The following SORCS2 variants were observed in gnomAD, a reference collection of about 807,000 sequenced individuals.
The protein encoded by SORCS2 is VPS10 domain-containing receptor SorCS2.
A neutral mutation model predicts 141.6 loss-of-function variants in SORCS2; 100 were observed. That is an observed-to-expected ratio of 0.71 (90% CI 0.60 to 0.83). The LOEUF (loss-of-function observed/expected upper bound fraction) is 0.83. Among genes scored for constraint, SORCS2 ranks in the 40% least tolerant of loss-of-function variants. The pLI, the probability that SORCS2 is intolerant of heterozygous loss-of-function variation, is 0.00. For missense variants in SORCS2, 1,646 were observed against 1,560.2 expected (o/e 1.05, Z -0.93); for synonymous variants, 789 against 676.9 (o/e 1.17, Z -2.57).
intron 1 of SORCS2, among the ~76,000 whole-genome samples, chr4:7,283,135 C>A (rs1029564864): frequency 6.6e-6 from 1 of 152,214 alleles, no homozygotes; most frequent in South Asian, 2.1e-4. Flanking sequence ...CCACCATGTT[C>A]CAGGCACCTT....
intron 1 of SORCS2, among the ~76,000 whole-genome samples, chr4:7,302,402 G>T (rs1419237106): frequency 6.6e-6 from 1 of 152,200 alleles, no homozygotes; most frequent in East Asian, 1.9e-4. Flanking sequence ...ATGGCTGTGG[G>T]CACACTCCTG....
At chr4:7,476,072 C>G (rs1462419049) in intron 2 of SORCS2, among the ~76,000 whole-genome samples, 2 of 152,194 alleles carry the variant, frequency 1.3e-5, no homozygotes, top group African/African-American at 4.8e-5. Flanking sequence ...TATACCCAGG[C>G]GCTTCTCTCT....
intron 3 of SORCS2, among the ~76,000 whole-genome samples, chr4:7,621,603 G>T (rs1264567046): frequency 6.6e-6 from 1 of 152,142 alleles, no homozygotes; most frequent in Non-Finnish European, 1.5e-5. Context: ...GTGTCTATGT[G>T]TGTGTATTTT....
chr4:7,703,196 A>G, intron 12 of SORCS2, 84 bp from the exon 13 acceptor site: 1 of 1,096,606 alleles, frequency 9.1e-7, no homozygotes, highest in Non-Finnish European at 1.3e-6. Context: ...CACATTGACA[A>G]CCCTCCTCCC....
At chr4:7,604,550 CGG>C (rs1424808733) in intron 3 of SORCS2, among the ~76,000 whole-genome samples, 1 of 152,208 alleles carries the variant, frequency 6.6e-6, no homozygotes, top group African/African-American at 2.4e-5. Context: ...ATCCCCGCCT[CGG>C]CCTCCCAAAG....
rs984731066 is a variant in SORCS2, at chr4:7,265,522, G to T, written c.480+72396G>T. ...TAAATAAAAGCAAGGTGTGGGCAGG[G>T]CTCGTTCCCCATGAAGGCTGCAGGG... On this transcript the variant is annotated intron_variant, in intron 1 of 26. Coordinates refer to ENST00000507866, the MANE Select transcript of SORCS2 (RefSeq NM_020777.3). Among the ~76,000 whole-genome samples the T allele has an allele frequency of 5.3e-5, 8 of 152,072 alleles. No individual in the cohort carries two copies. The East Asian group carries it at 1.4e-3, about 26-fold the overall frequency.
At chr4:7,385,899 T>G (rs1723266097) in intron 1 of SORCS2, among the ~76,000 whole-genome samples, 1 of 152,184 alleles carries the variant, frequency 6.6e-6, no homozygotes, top group Non-Finnish European at 1.5e-5. Context: ...GACCGAATGC[T>G]TCCACCAGCA....
rs115897133 is a variant in SORCS2, at chr4:7,737,930, G to A, written c.3415+758G>A. On this transcript the variant is annotated intron_variant, in intron 26 of 26. Transcript: ENST00000507866. ...TAACCCCTCACCTGGACCATCGACC[G>A]GGACACCTGCACATGGTCTCGCTGT... Among the ~76,000 whole-genome samples the A allele has an allele frequency of 8.5e-3, 1,301 of 152,304 alleles. 11 individuals carry two copies. Among genetic ancestry groups the A allele is most frequent in the Middle Eastern group, 0.031 (9 of 294 alleles).
intron 1 of SORCS2, among the ~76,000 whole-genome samples, chr4:7,371,215 G>A (rs752400605): frequency 3.3e-5 from 5 of 152,178 alleles, no homozygotes; most frequent in African/African-American, 1.2e-4. Flanking sequence ...TATGGGGATC[G>A]TGCCCACGTG....
chr4:7,624,016 GATA>G (rs1211534837), intron 3 of SORCS2, among the ~76,000 whole-genome samples: 2 of 152,144 alleles, frequency 1.3e-5, no homozygotes, highest in Admixed American at 1.3e-4. Context: ...ATTCAACAAG[GATA>G]ATAATAACAA....
chr4:7,715,140 CCACCTGTGCCCGT>C, intron 16 of SORCS2, 30 bp from the exon 17 acceptor site: 1 of 1,606,402 alleles, frequency 6.2e-7, no homozygotes, highest in South Asian at 1.1e-5. Flanking sequence ...ACTCCGGTTC[CCACCTGTGCCCGT>C]CACTTACCAC....
At chr4:7,539,695 G>A (rs1019265356) in intron 3 of SORCS2, among the ~76,000 whole-genome samples, 22 of 151,462 alleles carry the variant, frequency 1.5e-4, no homozygotes, top group African/African-American at 5.3e-4. Flanking sequence ...CGTTATGGAG[G>A]CCCCGCCCCT....
chr4:7,294,379 A>G (rs538752145), intron 1 of SORCS2, among the ~76,000 whole-genome samples: 2 of 152,144 alleles, frequency 1.3e-5, no homozygotes, highest in South Asian at 2.1e-4. Flanking sequence ...TGGAAGGACT[A>G]TGAGGCCAGA....
intron 3 of SORCS2, among the ~76,000 whole-genome samples, chr4:7,608,243 T>C (rs1718183658): frequency 6.6e-6 from 1 of 152,168 alleles, no homozygotes; most frequent in East Asian, 1.9e-4. Context: ...GCAGTGGGGC[T>C]GGCAGGAAAT....
At chr4:7,565,299 C>T (rs1181261440) in intron 3 of SORCS2, among the ~76,000 whole-genome samples, 1 of 152,128 alleles carries the variant, frequency 6.6e-6, no homozygotes, top group African/African-American at 2.4e-5. Flanking sequence ...GATTATTCTG[C>T]TCTTGGAATA....
chr4:7,243,581 C>T (rs935313262), intron 1 of SORCS2, among the ~76,000 whole-genome samples: 12 of 152,326 alleles, frequency 7.9e-5, no homozygotes, highest in African/African-American at 2.2e-4. Flanking sequence ...TGATGACACC[C>T]GTGAAACACC....
At chr4:7,416,611 C>T (rs1418835166) in intron 2 of SORCS2, among the ~76,000 whole-genome samples, 2 of 152,140 alleles carry the variant, frequency 1.3e-5, no homozygotes, top group Non-Finnish European at 2.9e-5. Context: ...TGCGTATACA[C>T]AGACACGCAT....
intron 1 of SORCS2, among the ~76,000 whole-genome samples, chr4:7,316,642 T>G (rs1320175391): frequency 1.3e-5 from 2 of 152,236 alleles, no homozygotes; most frequent in Non-Finnish European, 2.9e-5. Context: ...AAATGTTAAC[T>G]CTTATTATTA....
At chr4:7,575,224 T>G (rs1399343330) in intron 3 of SORCS2, among the ~76,000 whole-genome samples, 1 of 152,194 alleles carries the variant, frequency 6.6e-6, no homozygotes, top group East Asian at 1.9e-4. Flanking sequence ...CACAGAAATA[T>G]ACGAGCCGTG....
Sources: allele counts gnomAD v4.1 joint callset (sites outside exome capture counted in the v4.1 genomes callset), GRCh38; gene constraint gnomAD v4.1.1; transcripts MANE v1.5; gene names NCBI Gene and HGNC (gene_info 2026-07-23, HGNC 2026-07-21).